The following DAPK2 variants were observed in gnomAD, a reference collection of about 807,000 sequenced individuals.
DAPK2 encodes the protein death-associated protein kinase 2.
DAPK2 carries 35 observed loss-of-function variants against 44.1 expected under a neutral mutation model. That is an observed-to-expected ratio of 0.79 (90% confidence interval 0.61 to 1.05). The LOEUF is 1.05. DAPK2 is among the 50% of genes least tolerant of loss of function. The pLI is 0.00. For missense variants in DAPK2, 453 were observed against 483.2 expected (o/e 0.94, Z 0.59); for synonymous variants, 174 against 182.6 (o/e 0.95, Z 0.38).
chr15:63,912,274 A>C lies in DAPK2; in HGVS notation c.859-77T>G, dbSNP rs1596380193. ...CACCCTCCTCGCCGCAGAACTCCCCACCCACCGCATGCCCACCGCCCTTGG... is the reference window on the plus strand; with the variant it reads ...CACCCTCCTCGCCGCAGAACTCCCCCCCCACCGCATGCCCACCGCCCTTGG... On this transcript the variant is annotated intron_variant, in intron 8 of 10. Coordinates refer to ENST00000261891, the Ensembl canonical transcript of DAPK2. This position sits in a 1 kb window ranked among gnomAD's most constrained non-coding sequence, Gnocchi z 4.4. The C allele has an allele frequency of 7.0e-7, 1 of 1,436,430 alleles. No homozygotes were observed. The highest frequency in any genetic ancestry group is 9.7e-7 in the Non-Finnish European group (1 of 1,035,262). 89.0% of individuals were successfully genotyped at this position (1,436,430 alleles called of 1,614,324 possible).
chr15:63,989,513 A>G (rs2078759505), intron 1 of DAPK2, among the ~76,000 whole-genome samples: 1 of 152,202 alleles, frequency 6.6e-6, no homozygotes, highest in Non-Finnish European at 1.5e-5. Context: ...GTAACTGACC[A>G]GTAGTGTGTA....
chr15:64,021,309 T>TCCGTACAGTTGCTGGGATGTCAA (rs2079675699), intron 1 of DAPK2, among the ~76,000 whole-genome samples: 1 of 152,164 alleles, frequency 6.6e-6, no homozygotes, highest in Non-Finnish European at 1.5e-5. Context: ...GAGTGAGCAT[T>TCCGTACAGTTGCTGGGATGTCAA]CCGTACAGTT....
chr15:63,915,788 G>T (rs1231699765), intron 8 of DAPK2, among the ~76,000 whole-genome samples: 2 of 152,202 alleles, frequency 1.3e-5, no homozygotes, highest in Non-Finnish European at 2.9e-5. Flanking sequence ...TGTCAGGCTG[G>T]CCTTTCCTAA....
chr15:63,983,560 C>G, exon 2 of DAPK2: 3 of 1,614,162 alleles, frequency 1.9e-6, no homozygotes, highest in Non-Finnish European at 2.5e-6. Context: ...CACGTCGGTG[C>G]GGTTCTCATA....
At chr15:63,937,330 C>G (rs912565025) in intron 4 of DAPK2, among the ~76,000 whole-genome samples, 1 of 152,146 alleles carries the variant, frequency 6.6e-6, no homozygotes, top group African/African-American at 2.4e-5. Flanking sequence ...TTGGCCAATG[C>G]TATAAATTAG....
chr15:63,975,287 A>G (rs2078313076), intron 2 of DAPK2, among the ~76,000 whole-genome samples: 1 of 152,192 alleles, frequency 6.6e-6, no homozygotes, highest in Non-Finnish European at 1.5e-5. Flanking sequence ...ATAGACTTTA[A>G]CAAATTAGAT....
At position 63,915,688 on chromosome 15, in the gene DAPK2, A is replaced by G. The variant is rs16947571; in HGVS notation, c.859-3491T>C. 4.5e-3 allele frequency among the ~76,000 whole-genome samples: 691 copies of G among 152,228 alleles called. 16 individuals are homozygous for G. The East Asian group carries it at 0.054, about 12-fold the overall frequency. On this transcript the variant is annotated intron_variant, in intron 8 of 10. Transcript: ENST00000261891. ...GGTGAGATCATTCCCAGAGGCTATT[A>G]ATGGGAGGTGATGCAATTCTTTTGA...
At chr15:63,913,417 G>A (rs1330668637) in intron 8 of DAPK2, among the ~76,000 whole-genome samples, 1 of 152,138 alleles carries the variant, frequency 6.6e-6, no homozygotes, top group Non-Finnish European at 1.5e-5. Context: ...CTTTGGAGGA[G>A]AGTCAATAGC....
At chr15:63,943,074 C>T (rs912724370) in intron 3 of DAPK2, among the ~76,000 whole-genome samples, 1 of 150,584 alleles carries the variant, frequency 6.6e-6, no homozygotes, top group African/African-American at 2.5e-5. Flanking sequence ...TCATTGAACT[C>T]TCAACTACCT....
intron 1 of DAPK2, among the ~76,000 whole-genome samples, chr15:64,017,712 C>T (rs2079569168): frequency 6.6e-6 from 1 of 152,184 alleles, no homozygotes; most frequent in Admixed American, 6.5e-5. Context: ...GAAATGTAGC[C>T]ATGAGCATTG....
rs2079261065 is a variant in DAPK2, at chr15:63,926,255, A to C, written c.660-162T>G. On this transcript the variant is annotated intron_variant, in intron 6 of 10. Transcript: ENST00000261891. ...CAGCCAACCAGCAGCCTGTTCAGCTAAGTCCAATTCAATACATGTTCATGG... is the reference window on the plus strand; with the variant it reads ...CAGCCAACCAGCAGCCTGTTCAGCTCAGTCCAATTCAATACATGTTCATGG... 1.3e-5 allele frequency: 9 copies of C among 668,508 alleles called. 1 individual carries two copies. The South Asian group carries it at 1.7e-4, about 13-fold the overall frequency. 41.4% of individuals were successfully genotyped at this position (668,508 alleles called of 1,614,324 possible). A position where few individuals can be genotyped will look rare whatever the true frequency, so the allele number is the denominator to read the frequency against.
At chr15:63,969,872 C>T (rs1207614529) in intron 3 of DAPK2, among the ~76,000 whole-genome samples, 3 of 152,176 alleles carry the variant, frequency 2.0e-5, no homozygotes, top group East Asian at 3.9e-4. Flanking sequence ...TGAGCTCATG[C>T]CCTGGCATAG....
intron 1 of DAPK2, among the ~76,000 whole-genome samples, chr15:64,002,349 T>A (rs184809170): frequency 6.6e-6 from 1 of 152,374 alleles, no homozygotes; most frequent in Admixed American, 6.5e-5. Flanking sequence ...GAGCTCTACA[T>A]GCTCTAGCAA....
At position 64,002,973 on chromosome 15, in the gene DAPK2, C is replaced by CGTGTGTGTGT. The variant is rs1567266632; in HGVS notation, c.93-19220_93-19219insACACACACAC. Among the ~76,000 whole-genome samples the CGTGTGTGTGT allele has an allele frequency of 4.2e-4, 32 of 75,514 alleles. 2 individuals carry two copies. The highest frequency in any genetic ancestry group is 1.8e-3 in the African/African-American group (30 of 16,696). 49.5% of individuals were successfully genotyped at this position (75,514 alleles called of 152,430 possible). A position where few individuals can be genotyped will look rare whatever the true frequency, so the allele number is the denominator to read the frequency against. On this transcript the variant is annotated intron_variant, in intron 1 of 10. Transcript: ENST00000261891. ...GTGTGTGTGTGTGTGTGTCGTGGGA[C>CGTGTGTGTGT]CTGTGTGTGTGTGTGTGTGTGTGTG... is the stretch of plus-strand genomic sequence containing the variant.
At chr15:63,954,720 G>A (rs1010871671) in intron 3 of DAPK2, among the ~76,000 whole-genome samples, 4 of 152,076 alleles carry the variant, frequency 2.6e-5, no homozygotes, top group Admixed American at 2.0e-4. Context: ...GGATTGCATT[G>A]AATCTGTAGG....
intron 1 of DAPK2, 133 bp from the exon 3 acceptor site, chr15:63,983,887 AT>A: frequency 1.2e-6 from 1 of 835,758 alleles, no homozygotes; most frequent in Non-Finnish European, 1.9e-6. Context: ...ACCAGTCTGC[AT>A]CCCCACCTGA....
In DAPK2 at chr15:63,939,486, GGA is replaced by G; in HGVS notation, c.454-127_454-126del. 1 of 863,702 alleles carries G rather than the reference GGA, an allele frequency of 1.2e-6. No homozygotes were observed. The highest frequency in any genetic ancestry group is 1.7e-6 in the Non-Finnish European group (1 of 574,624). 53.5% of individuals were successfully genotyped at this position (863,702 alleles called of 1,614,324 possible). A position where few individuals can be genotyped will look rare whatever the true frequency, so the allele number is the denominator to read the frequency against. ...GGGGTGGGACTTGGTGTTCTTTTTA[GGA>G]GACTGAAACAGCATAAACTCTTCCT... is the stretch of plus-strand genomic sequence containing the variant. On this transcript the variant is annotated intron_variant, in intron 3 of 10. Transcript: ENST00000261891. The surrounding 1 kb of genome is among the most constrained non-coding windows in gnomAD (Gnocchi z 4.3).
chr15:63,940,448 T>C (rs776726669), intron 3 of DAPK2, among the ~76,000 whole-genome samples: 38 of 152,038 alleles, frequency 2.5e-4, no homozygotes, highest in Non-Finnish European at 5.3e-4. Context: ...CGGTGGCTCA[T>C]GCCTGTAATC....
At chr15:63,971,334 G>A (rs2078205974) in intron 3 of DAPK2, 89 bp downstream of exon 4, 12 of 1,478,508 alleles carry the variant, frequency 8.1e-6, no homozygotes, top group East Asian at 2.3e-5. Context: ...AGGGCTGGTC[G>A]GCACTGGGCC....
Sources: gnomAD v4.1 joint callset for allele counts (sites outside exome capture counted in the v4.1 genomes callset) on GRCh38, gnomAD v4.1.1 for gene constraint, Gnocchi (gnomAD v3.1) non-coding constraint, MANE v1.5 for transcripts, NCBI Gene and HGNC (gene_info 2026-07-23, HGNC 2026-07-21) for gene names.